TACR1: variants seen among roughly 807,000 people sequenced by gnomAD.
The protein encoded by TACR1 is substance-P receptor.
A neutral mutation model predicts 35.8 loss-of-function variants in TACR1; 25 were observed. The ratio of observed to expected loss-of-function variants is 0.70; its 90% confidence interval spans 0.51 to 0.98. The LOEUF (loss-of-function observed/expected upper bound fraction) is 0.98. Ranked by LOEUF, TACR1 falls within the 50% of genes least tolerant of loss-of-function variation. The pLI, the probability that TACR1 is intolerant of heterozygous loss-of-function variation, is 0.00. For synonymous variants in TACR1, 195 were observed against 206.7 expected (o/e 0.94, Z 0.48); for missense variants, 478 against 522.9 (o/e 0.91, Z 0.84).
At chr2:75,061,626 A>C (rs1672675624) in intron 2 of TACR1, among the ~76,000 whole-genome samples, 1 of 152,162 alleles carries the variant, frequency 6.6e-6, no homozygotes, top group Admixed American at 6.5e-5. Flanking sequence ...GCCTCCATCA[A>C]CTGCATCCAG....
chr2:75,163,119 T>G (rs1675052263), intron 1 of TACR1, among the ~76,000 whole-genome samples: 5 of 152,180 alleles, frequency 3.3e-5, no homozygotes, highest in Admixed American at 1.3e-4. Flanking sequence ...AACTTGGAAG[T>G]CATGTGTTGA....
At position 75,120,640 on chromosome 2, in the gene TACR1, G is replaced by A; in HGVS notation, c.518C>T (p.Thr173Ile). ...FPQGYYSTTE[T>I]MPSRVVCMIE... ...CATGCACACGACTCTGCTGGGCATG[G>A]TCTCTGTGGTTGAGTAGTAGCCCTG... The change falls in exon 2 of 5, where the codon ACC (threonine) becomes ATC (isoleucine). Residue 173 changes from threonine to isoleucine, a missense_variant. Transcript: ENST00000305249. The A allele has an allele frequency of 6.2e-7, 1 of 1,614,032 alleles. No individual in the cohort carries two copies. The highest frequency in any genetic ancestry group is 1.1e-5 in the South Asian group (1 of 91,042).
chr2:75,052,060 C>T (rs575830362), intron 3 of TACR1, among the ~76,000 whole-genome samples: 45 of 152,072 alleles, frequency 3.0e-4, no homozygotes, highest in Non-Finnish European at 4.7e-4. Context: ...TGTTTAAAAG[C>T]GATTTAAAAG....
At chr2:75,084,869 A>C (rs367678532) in intron 2 of TACR1, among the ~76,000 whole-genome samples, 3 of 152,048 alleles carry the variant, frequency 2.0e-5, no homozygotes, top group African/African-American at 7.2e-5. Flanking sequence ...CAATCTTTTC[A>C]GAAAATTAGC....
At chr2:75,112,260 C>A (rs893901652) in intron 2 of TACR1, among the ~76,000 whole-genome samples, 7 of 151,768 alleles carry the variant, frequency 4.6e-5, no homozygotes, top group African/African-American at 1.5e-4. Context: ...TCTCGAATGG[C>A]AAGTCATTTA....
intron 1 of TACR1, among the ~76,000 whole-genome samples, chr2:75,132,970 C>T (rs949054748): frequency 6.6e-6 from 1 of 152,188 alleles, no homozygotes; most frequent in Non-Finnish European, 1.5e-5. Context: ...GCTAGGCATT[C>T]GTTTCTAGTT....
intron 2 of TACR1, among the ~76,000 whole-genome samples, chr2:75,057,174 G>T (rs1278312754): frequency 6.6e-6 from 1 of 152,186 alleles, no homozygotes; most frequent in Non-Finnish European, 1.5e-5. Flanking sequence ...CAAAAGAAGT[G>T]AAAATGGTCT....
At chr2:75,112,620 C>CT (rs999348472) in intron 2 of TACR1, among the ~76,000 whole-genome samples, 24 of 151,144 alleles carry the variant, frequency 1.6e-4, no homozygotes, top group African/African-American at 5.3e-4. Context: ...AGGGTTTTCA[C>CT]TTTTTTTTTG....
intron 2 of TACR1, among the ~76,000 whole-genome samples, chr2:75,081,986 A>G (rs1329662020): frequency 6.6e-6 from 1 of 151,572 alleles, no homozygotes. Context: ...TTTGTTACAT[A>G]TGTATACATG....
At chr2:75,153,076 AT>A (rs1308607131) in intron 1 of TACR1, among the ~76,000 whole-genome samples, 1 of 151,792 alleles carries the variant, frequency 6.6e-6, no homozygotes, top group Non-Finnish European at 1.5e-5. Flanking sequence ...TAATTTTTGT[AT>A]TTTTTAGTAG....
chr2:75,177,118 C>T (rs1675439624), intron 1 of TACR1, among the ~76,000 whole-genome samples: 3 of 151,924 alleles, frequency 2.0e-5, no homozygotes, highest in South Asian at 2.1e-4. Flanking sequence ...CTGCCCCCCA[C>T]CACCACTTCC....
chr2:75,169,678 T>C (rs1043703481), intron 1 of TACR1, among the ~76,000 whole-genome samples: 2 of 152,222 alleles, frequency 1.3e-5, no homozygotes, highest in African/African-American at 4.8e-5. Flanking sequence ...GATGTTACTT[T>C]GAATATGTGA....
At position 75,052,248 on chromosome 2, in the gene TACR1, C is replaced by T. The variant is rs920874446; in HGVS notation, c.736-801G>A. Among the ~76,000 whole-genome samples the T allele has an allele frequency of 2.6e-5, 4 of 152,136 alleles. No individual in the cohort carries two copies. In the South Asian group the frequency reaches 8.3e-4, roughly 32 times the overall value. On this transcript the variant is annotated intron_variant, in intron 3 of 4. Coordinates refer to ENST00000305249, the MANE Select transcript of TACR1 (RefSeq NM_001058.4). ...CCTTATAAAATAGGCCTGAGAAAGA[C>T]CCCTTGCCCCTTCCACCATCTGAGG...
At chr2:75,093,582 C>T (rs1162063667) in intron 2 of TACR1, among the ~76,000 whole-genome samples, 1 of 152,136 alleles carries the variant, frequency 6.6e-6, no homozygotes, top group Non-Finnish European at 1.5e-5. Context: ...CCTGAGCCCA[C>T]CCATCTGCGT....
At chr2:75,191,903 AG>A (rs920864405) in intron 1 of TACR1, among the ~76,000 whole-genome samples, 4 of 152,278 alleles carry the variant, frequency 2.6e-5, no homozygotes, top group African/African-American at 7.2e-5. Context: ...AAACAAAATA[AG>A]GGATCCCTGT....
chr2:75,106,994 T>A (rs1344525268), intron 2 of TACR1, among the ~76,000 whole-genome samples: 1 of 151,754 alleles, frequency 6.6e-6, no homozygotes, highest in Non-Finnish European at 1.5e-5. Flanking sequence ...TATCAAAATA[T>A]ACTGTATGTA....
intron 2 of TACR1, among the ~76,000 whole-genome samples, chr2:75,080,020 T>G (rs1673053414): frequency 1.3e-5 from 2 of 152,174 alleles, no homozygotes; most frequent in Admixed American, 6.5e-5. Flanking sequence ...TGTCCACAGA[T>G]CATAGCACTA....
At chr2:75,053,965 TTA>T (rs1672520866) in intron 2 of TACR1, among the ~76,000 whole-genome samples, 1 of 152,144 alleles carries the variant, frequency 6.6e-6, no homozygotes, top group African/African-American at 2.4e-5. Flanking sequence ...AGAAAACAAT[TTA>T]TGTTTTTCTT....
At chr2:75,190,225 C>T (rs1675809178) in intron 1 of TACR1, among the ~76,000 whole-genome samples, 1 of 152,194 alleles carries the variant, frequency 6.6e-6, no homozygotes, top group Admixed American at 6.5e-5. Context: ...AACAATGATG[C>T]TCACTCCATA....
Sources: allele counts gnomAD v4.1 joint callset (sites outside exome capture counted in the v4.1 genomes callset), GRCh38; gene constraint gnomAD v4.1.1; transcripts MANE v1.5; gene names NCBI Gene and HGNC (gene_info 2026-07-23, HGNC 2026-07-21).